The following DACH1 variants were observed in gnomAD, a reference collection of about 807,000 sequenced individuals.
DACH1 encodes dachshund family transcription factor 1.
A neutral mutation model predicts 54.2 loss-of-function variants in DACH1; 12 were observed. The observed-to-expected ratio is 0.22, with a 90% CI of 0.14 to 0.36. The LOEUF (loss-of-function observed/expected upper bound fraction) is 0.36. Among genes scored for constraint, DACH1 ranks in the 10% least tolerant of loss-of-function variants. DACH1 has a pLI of 1.00. For synonymous variants in DACH1, 386 were observed against 366.2 expected (o/e 1.05, Z -0.62); for missense variants, 805 against 929.8 (o/e 0.87, Z 1.75).
intron 4 of DACH1, among the ~76,000 whole-genome samples, chr13:71,565,685 A>C (rs1353434785): frequency 2.0e-5 from 3 of 152,144 alleles, no homozygotes; most frequent in South Asian, 2.1e-4. Context: ...TTAAAAAAAA[A>C]CTTTGATTAT....
rs539433431 is a variant in DACH1, at chr13:71,470,555, C to T, written c.2083+4586G>A. ...TGTTGGCCAGGCTGGTCTCAAACTC[C>T]TGACCTTGGGATCCGCCCTACTCAG... On this transcript the variant is annotated intron_variant, in intron 10 of 10. Transcript: ENST00000613252. Among the ~76,000 whole-genome samples, 28 of 152,158 alleles carry T rather than the reference C, an allele frequency of 1.8e-4. 1 individual carries two copies. The South Asian group carries it at 5.8e-3, about 32-fold the overall frequency.
At chr13:71,789,006 T>G (rs1886723684) in intron 1 of DACH1, among the ~76,000 whole-genome samples, 1 of 152,070 alleles carries the variant, frequency 6.6e-6, no homozygotes, top group Admixed American at 6.6e-5. Flanking sequence ...TGAAAGAAAA[T>G]AAATATTATG....
intron 6 of DACH1, among the ~76,000 whole-genome samples, chr13:71,491,549 C>T (rs757146703): frequency 8.1e-4 from 123 of 152,158 alleles, no homozygotes; most frequent in Admixed American, 2.4e-3. Flanking sequence ...GAAGAGACTA[C>T]GTAAGGACGC....
intron 1 of DACH1, among the ~76,000 whole-genome samples, chr13:71,847,072 G>T (rs1873326457): frequency 6.6e-6 from 1 of 151,964 alleles, no homozygotes; most frequent in Admixed American, 6.6e-5. Flanking sequence ...TAAAGGTAAA[G>T]ACAAAACCTC....
chr13:71,848,081 A>G lies in DACH1; in HGVS notation c.848+17841T>C, dbSNP rs139598515. On this transcript the variant is annotated intron_variant, in intron 1 of 10. Transcript: ENST00000613252. ...TTAAGAAAATTCTGGAGACTTAGCCATCATAGAATGCTCTGGCCTACTTAA... is the reference window on the plus strand; with the variant it reads ...TTAAGAAAATTCTGGAGACTTAGCCGTCATAGAATGCTCTGGCCTACTTAA... 2.5e-3 allele frequency among the ~76,000 whole-genome samples: 377 copies of G among 152,296 alleles called. 1 individual carries two copies. The highest frequency in any genetic ancestry group is 8.6e-3 in the African/African-American group (356 of 41,570).
chr13:71,593,229 TCAAAC>T (rs1038221611), intron 3 of DACH1, among the ~76,000 whole-genome samples: 6 of 152,158 alleles, frequency 3.9e-5, no homozygotes, highest in African/African-American at 2.4e-5. Flanking sequence ...GTATAAATGT[TCAAAC>T]CAATGTTTTG....
chr13:71,530,155 T>C (rs1250102515), intron 6 of DACH1, among the ~76,000 whole-genome samples: 1 of 152,158 alleles, frequency 6.6e-6, no homozygotes, highest in African/African-American at 2.4e-5. Flanking sequence ...ATTGAAAATA[T>C]GTAATGCTTT....
intron 1 of DACH1, among the ~76,000 whole-genome samples, chr13:71,780,292 T>G (rs1377032319): frequency 6.6e-6 from 1 of 152,182 alleles, no homozygotes; most frequent in African/African-American, 2.4e-5. Flanking sequence ...TTTTTCATTG[T>G]GCTATATAAA....
rs567540418 is a variant in DACH1, at chr13:71,449,789, A to G, written c.2084-9097T>C. ...TTAGACCAAAAAATTGTAATCACAA[A>G]CCGCTTTTATATATTTTTTCAGTTC... is the stretch of plus-strand genomic sequence containing the variant. On this transcript the variant is annotated intron_variant, in intron 10 of 10. Coordinates refer to ENST00000613252, the MANE Select transcript of DACH1 (RefSeq NM_080759.6). Among the ~76,000 whole-genome samples, 66 of 152,100 alleles carry G rather than the reference A, an allele frequency of 4.3e-4. 1 individual carries two copies. Among genetic ancestry groups the G allele is most frequent in the Middle Eastern group, 6.8e-3 (2 of 294 alleles).
chr13:71,729,856 A>G (rs1389035454), intron 1 of DACH1, among the ~76,000 whole-genome samples: 1 of 152,114 alleles, frequency 6.6e-6, no homozygotes, highest in Non-Finnish European at 1.5e-5. Flanking sequence ...GCACCTGGGT[A>G]ACAGAAATAT....
intron 1 of DACH1, among the ~76,000 whole-genome samples, chr13:71,786,722 C>T (rs964230043): frequency 5.3e-5 from 8 of 152,026 alleles, no homozygotes; most frequent in Admixed American, 2.6e-4. Flanking sequence ...AGGACTGAGC[C>T]TCTTCATGAT....
intron 1 of DACH1, among the ~76,000 whole-genome samples, chr13:71,816,957 G>T (rs1269711036): frequency 6.6e-6 from 1 of 151,874 alleles, no homozygotes; most frequent in Admixed American, 6.6e-5. Flanking sequence ...CAACTAATGG[G>T]TACTAGGCTT....
At chr13:71,819,518 A>C (rs1888104715) in intron 1 of DACH1, among the ~76,000 whole-genome samples, 1 of 152,166 alleles carries the variant, frequency 6.6e-6, no homozygotes, top group African/African-American at 2.4e-5. Flanking sequence ...CTGGAAGTCT[A>C]TTTCATGGTC....
chr13:71,864,469 C>T (rs186565005), intron 1 of DACH1, among the ~76,000 whole-genome samples: 1 of 152,270 alleles, frequency 6.6e-6, no homozygotes, highest in African/African-American at 2.4e-5. Context: ...TCCTTTCCAC[C>T]TAAGTTTCCC....
At chr13:71,549,282 T>C (rs1157400547) in intron 6 of DACH1, among the ~76,000 whole-genome samples, 1 of 152,146 alleles carries the variant, frequency 6.6e-6, no homozygotes, top group Non-Finnish European at 1.5e-5. Flanking sequence ...CTACCTCACG[T>C]TTAATGCTTT....
intron 3 of DACH1, among the ~76,000 whole-genome samples, chr13:71,574,619 G>C (rs548288078): frequency 6.6e-6 from 1 of 151,910 alleles, no homozygotes; most frequent in African/African-American, 2.4e-5. Context: ...AAACTAATTA[G>C]CTCAATACTG....
At chr13:71,707,654 G>T (rs1214135546) in intron 1 of DACH1, among the ~76,000 whole-genome samples, 1 of 152,142 alleles carries the variant, frequency 6.6e-6, no homozygotes, top group Non-Finnish European at 1.5e-5. Context: ...TTTGTAATCA[G>T]ATTTCCAAGG....
At chr13:71,552,840 TATAGAGAGAGAGAGAG>T (rs1883957186) in intron 6 of DACH1, among the ~76,000 whole-genome samples, 1 of 16,860 alleles carries the variant, frequency 5.9e-5, no homozygotes, top group South Asian at 2.4e-3. Flanking sequence ...TATATATATA[TATAGAGAGAGAGAGAG>T]AGAGAGAGAG....
At chr13:71,494,466 C>T (rs967924873) in intron 6 of DACH1, among the ~76,000 whole-genome samples, 1 of 152,008 alleles carries the variant, frequency 6.6e-6, no homozygotes, top group Non-Finnish European at 1.5e-5. Flanking sequence ...AGTTGCCTAT[C>T]TGTAGGTTAA....
Sources: gnomAD v4.1 joint callset for allele counts (sites outside exome capture counted in the v4.1 genomes callset) on GRCh38, gnomAD v4.1.1 for gene constraint, MANE v1.5 for transcripts, NCBI Gene and HGNC (gene_info 2026-07-23, HGNC 2026-07-21) for gene names.